The following ASB7 variants were observed in gnomAD, a reference collection of about 807,000 sequenced individuals.
ASB7 encodes the protein ankyrin repeat and SOCS box containing 7, also known as ankyrin repeat and SOCS box protein 7.
Under a neutral mutation model 32.5 loss-of-function variants are expected in ASB7, and 4 were observed. The ratio of observed to expected loss-of-function variants is 0.12; its 90% CI spans 0.06 to 0.28. The LOEUF (loss-of-function observed/expected upper bound fraction) is 0.28, where lower values mean the gene tolerates loss of function less well. Among genes scored for constraint, ASB7 ranks in the 10% least tolerant of loss-of-function variants. The probability of loss-of-function intolerance (pLI) is 1.00; values close to 1 mark genes in which losing one functional copy is unlikely to be tolerated. For synonymous variants in ASB7, 172 were observed against 155.6 expected, an observed-to-expected ratio of 1.11 and a Z score of -0.78; for missense variants, 181 against 407.1, an observed-to-expected ratio of 0.44 and a Z score of 4.78.
chr15:100,604,863 A>G (rs2141383872), intron 2 of ASB7, among the ~76,000 whole-genome samples: 1 of 152,358 alleles, frequency 6.6e-6, no homozygotes, highest in Non-Finnish European at 1.5e-5. Flanking sequence ...TTACTTCAGA[A>G]CTTTTAAAAA....
rs763410086 is a variant in ASB7 at position 100,612,083 on chromosome 15, G to A, written c.-51-83G>A. On this transcript the variant is annotated intron_variant, in intron 3 of 5. Coordinates refer to ENST00000332783, the MANE Select transcript of ASB7 (RefSeq NM_198243.3). ...AGTAAGGTTTACTGATGTAGCAAAT[G>A]GAATGTTCTGTGATATTTAATAGAT... 77 of 767,684 alleles carry A rather than the reference G, an allele frequency of 1.0e-4. 1 individual carries two copies. In the Middle Eastern group the frequency reaches 3.3e-3, roughly 33 times the overall value. The allele number at this position is 767,684 out of a possible 1,614,324, so 47.6% of individuals were successfully genotyped here. A position where few individuals can be genotyped will look rare whatever the true frequency, so the allele number is the denominator to read the frequency against.
At position 100,648,691 on chromosome 15, in the gene ASB7, TGGTCCAAGTTTAAGA is replaced by T; in HGVS notation, c.*238_*252del. Reference sequence around the variant, plus strand: ...GCTTGAAGGTCTTAATTTGGTTTCTTGGTCCAAGTTTAAGAGGTCCAAGCTTTGTATACAATACTG... The same window carrying T: ...GCTTGAAGGTCTTAATTTGGTTTCTTGGTCCAAGCTTTGTATACAATACTG... On this transcript the variant is annotated 3_prime_UTR_variant, in exon 6 of 6. Coordinates refer to ENST00000332783, the MANE Select transcript of ASB7 (RefSeq NM_198243.3). 1 of 382,836 alleles carries T rather than the reference TGGTCCAAGTTTAAGA, an allele frequency of 2.6e-6. No individual in the cohort carries two copies. The highest frequency in any genetic ancestry group is 4.6e-6 in the Non-Finnish European group (1 of 215,846). The allele number at this position is 382,836 out of a possible 1,614,324, so 23.7% of individuals were successfully genotyped here.
intron 4 of ASB7, among the ~76,000 whole-genome samples, chr15:100,615,395 C>T (rs971168671): frequency 3.3e-5 from 5 of 152,168 alleles, no homozygotes; most frequent in Non-Finnish European, 7.3e-5. Flanking sequence ...TTGTCATTAC[C>T]CCCAAAGAAA....
intron 5 of ASB7, chr15:100,645,689 T>C: frequency 1.3e-6 from 2 of 1,528,908 alleles, no homozygotes; most frequent in South Asian, 2.2e-5. Flanking sequence ...GAAAGAACCA[T>C]CTTTAGTTTG....
chr15:100,633,128 C>T (rs1031846708), intron 5 of ASB7, among the ~76,000 whole-genome samples: 1 of 150,886 alleles, frequency 6.6e-6, no homozygotes, highest in Non-Finnish European at 1.5e-5. Context: ...GAATAATGAG[C>T]GCCACCTGTG....
chr15:100,632,731 C>G (rs1216830960), intron 5 of ASB7, among the ~76,000 whole-genome samples: 10 of 152,090 alleles, frequency 6.6e-5, no homozygotes, highest in Non-Finnish European at 5.9e-5. Context: ...TACTCTTCAT[C>G]ACACTGTTTT....
At chr15:100,645,881 A>AC in intron 5 of ASB7, 1 of 799,314 alleles carries the variant, frequency 1.3e-6, no homozygotes, top group South Asian at 1.4e-5. Flanking sequence ...TCAGCATCTG[A>AC]CCACAGCACT....
intron 4 of ASB7, among the ~76,000 whole-genome samples, chr15:100,622,876 A>T (rs1230798168): frequency 6.6e-6 from 1 of 152,254 alleles, no homozygotes; most frequent in Non-Finnish European, 1.5e-5. Context: ...TGCTTTAGGC[A>T]GAGATTTTAT....
intron 5 of ASB7, chr15:100,646,718 G>A (rs114186460): frequency 2.6e-3 from 445 of 173,224 alleles, no homozygotes; most frequent in African/African-American, 6.8e-3. Context: ...GGGAGCTCCT[G>A]TCTCTTAGGA....
chr15:100,631,118 T>C (rs1408424260), intron 5 of ASB7, among the ~76,000 whole-genome samples: 7 of 152,188 alleles, frequency 4.6e-5, no homozygotes, highest in African/African-American at 1.7e-4. Flanking sequence ...ATGCAATTAT[T>C]ATCACTAATG....
At chr15:100,634,374 C>T (rs566591325) in intron 5 of ASB7, among the ~76,000 whole-genome samples, 1 of 152,176 alleles carries the variant, frequency 6.6e-6, no homozygotes, top group Non-Finnish European at 1.5e-5. Flanking sequence ...CAATTTTGTT[C>T]AAAGAGAAGT....
intron 2 of ASB7, 119 bp downstream of exon 2, chr15:100,603,432 A>G (rs1312008043): frequency 1.2e-5 from 1 of 83,728 alleles, no homozygotes; most frequent in African/African-American, 4.7e-5. Flanking sequence ...CCCCACCCCC[A>G]CCCCCAGTTT....
chr15:100,630,041 A>G lies in ASB7; in HGVS notation c.816A>G (p.Thr272=). The G allele has an allele frequency of 6.3e-7, 1 of 1,585,186 alleles. No homozygotes were observed. The highest frequency in any genetic ancestry group is 8.6e-7 in the Non-Finnish European group (1 of 1,164,600). Residue 272 remains threonine, a splice_region_variant and synonymous_variant, in exon 5 of 6, where the codon ACA becomes ACG. Coordinates refer to ENST00000332783, the MANE Select transcript of ASB7 (RefSeq NM_198243.3). ...RPCLDFLQEV[T]RQPRNLQDLC... The stretch of plus-strand genomic sequence containing the variant: ...GTTTGGATTTCTTACAAGAAGTCAC[A>G]AGTATGTAATATAATTATTACTTTA...
At chr15:100,613,988 T>G (rs866248498) in intron 4 of ASB7, among the ~76,000 whole-genome samples, 17 of 152,126 alleles carry the variant, frequency 1.1e-4, no homozygotes, top group Non-Finnish European at 1.3e-4. Context: ...AATTCAGTCA[T>G]ATGACCAAGC....
At chr15:100,614,287 A>AG (rs1201592177) in intron 4 of ASB7, among the ~76,000 whole-genome samples, 3 of 149,248 alleles carry the variant, frequency 2.0e-5, no homozygotes, top group African/African-American at 7.7e-5. Flanking sequence ...AAAAAAAAAA[A>AG]AGAAAGAAAG....
intron 4 of ASB7, among the ~76,000 whole-genome samples, chr15:100,626,768 A>G (rs754625653): frequency 3.3e-5 from 5 of 152,228 alleles, no homozygotes; most frequent in Admixed American, 6.5e-5. Context: ...ATACAGTACT[A>G]TCCAGCAATA....
At chr15:100,635,649 A>G (rs2039916944) in intron 5 of ASB7, among the ~76,000 whole-genome samples, 1 of 152,146 alleles carries the variant, frequency 6.6e-6, no homozygotes, top group African/African-American at 2.4e-5. Context: ...ATCCTCTGTT[A>G]CACGGTGAAG....
At chr15:100,645,822 G>T in intron 5 of ASB7, 1 of 1,293,456 alleles carries the variant, frequency 7.7e-7, no homozygotes, top group South Asian at 1.2e-5. Flanking sequence ...TGCCAAACGC[G>T]ACATCCCACA....
chr15:100,622,759 C>G (rs907681152), intron 4 of ASB7, among the ~76,000 whole-genome samples: 8 of 152,202 alleles, frequency 5.3e-5, no homozygotes, highest in Non-Finnish European at 1.0e-4. Flanking sequence ...AACCAGACCC[C>G]TGTCTCTCAC....
Sources: allele counts gnomAD v4.1 joint callset (sites outside exome capture counted in the v4.1 genomes callset), GRCh38; gene constraint gnomAD v4.1.1; transcripts MANE v1.5; gene names NCBI Gene and HGNC (gene_info 2026-07-23, HGNC 2026-07-21).